The following P2RY12 variants were observed in gnomAD, a reference collection of about 807,000 sequenced individuals.
P2RY12 encodes the protein purinergic receptor P2Y12, also known as P2Y purinoceptor 12.
Under a neutral mutation model 4.5 loss-of-function variants are expected in P2RY12, and 3 were observed. The observed-to-expected ratio is 0.67, with a 90% CI of 0.31 to 1.74. The LOEUF (loss-of-function observed/expected upper bound fraction) is 1.74, where lower values mean the gene tolerates loss of function less well. P2RY12 is among the 40% of genes most tolerant of loss of function. P2RY12 has a pLI of 0.09. For synonymous variants in P2RY12, 148 were observed against 154.1 expected, an observed-to-expected ratio of 0.96 and a Z score of 0.29; for missense variants, 356 against 407.8, an observed-to-expected ratio of 0.87 and a Z score of 1.09.
Position 151,337,289 on chromosome 3 carries a change from A to G in P2RY12, c.*528T>C, listed in dbSNP as rs1751133228. ...AGTTTAAATCCCTTAGGTTTTTGCT[A>G]ATAATGAAAAGTTAATAGTTATTAT... On this transcript the variant is annotated 3_prime_UTR_variant, in exon 3 of 3. Coordinates refer to ENST00000302632, the MANE Select transcript of P2RY12 (RefSeq NM_022788.5). The G allele has an allele frequency of 6.5e-6, 1 of 152,814 alleles. No individual in the cohort carries two copies. The highest frequency in any genetic ancestry group is 6.5e-5 in the Admixed American group (1 of 15,320). The allele number at this position is 152,814 out of a possible 1,614,324, so 9.5% of individuals were successfully genotyped here.
chr3:151,355,905 A>G (rs749502287), intron 1 of P2RY12: 1 of 1,609,672 alleles, frequency 6.2e-7, no homozygotes, highest in South Asian at 1.1e-5. Context: ...GATTTCTAAC[A>G]ATGTGCTAGA....
At chr3:151,343,541 A>AG (rs550904843) in intron 1 of P2RY12, among the ~76,000 whole-genome samples, 67 of 152,348 alleles carry the variant, frequency 4.4e-4, no homozygotes, top group African/African-American at 1.6e-3. Context: ...TTAAGTGAAA[A>AG]GTATCTCAGT....
At chr3:151,374,541 C>CT (rs1247642320) in intron 1 of P2RY12, among the ~76,000 whole-genome samples, 6 of 147,120 alleles carry the variant, frequency 4.1e-5, no homozygotes, top group African/African-American at 1.5e-4. Flanking sequence ...GAGCAAGACT[C>CT]TGTCTCAAAG....
intron 1 of P2RY12, among the ~76,000 whole-genome samples, chr3:151,363,641 G>T (rs1178537641): frequency 1.1e-4 from 16 of 152,182 alleles, no homozygotes; most frequent in African/African-American, 3.6e-4. Context: ...TGTCTACACA[G>T]AAAGAGAGTG....
At chr3:151,359,827 G>A (rs1754388110) in intron 1 of P2RY12, among the ~76,000 whole-genome samples, 1 of 152,106 alleles carries the variant, frequency 6.6e-6, no homozygotes, top group Non-Finnish European at 1.5e-5. Context: ...AGTGTTTACA[G>A]CTGTGGTGTA....
At chr3:151,367,846 AAGGAGT>A in intron 1 of P2RY12, 1 of 1,485,910 alleles carries the variant, frequency 6.7e-7, no homozygotes, top group South Asian at 1.3e-5. Flanking sequence ...AACACAGGGA[AAGGAGT>A]ATTTGAGGGT....
intron 1 of P2RY12, among the ~76,000 whole-genome samples, chr3:151,370,682 T>A (rs1323198589): frequency 6.6e-6 from 1 of 152,206 alleles, no homozygotes; most frequent in African/African-American, 2.4e-5. Context: ...CGGTTCTACT[T>A]AATAAATAAA....
intron 1 of P2RY12, chr3:151,372,622 C>T (rs1756331462): frequency 6.2e-7 from 1 of 1,613,750 alleles, no homozygotes; most frequent in African/African-American, 1.3e-5. Context: ...ATGACTTCAC[C>T]ATGAGAGGTT....
chr3:151,375,104 G>A (rs567755677), intron 1 of P2RY12, among the ~76,000 whole-genome samples: 2 of 152,348 alleles, frequency 1.3e-5, no homozygotes, highest in Admixed American at 6.5e-5. Flanking sequence ...AACTGTGAGT[G>A]CATATTGGAA....
chr3:151,358,487 C>T (rs1356513046), intron 1 of P2RY12, among the ~76,000 whole-genome samples: 1 of 152,046 alleles, frequency 6.6e-6, no homozygotes, highest in Non-Finnish European at 1.5e-5. Flanking sequence ...GCTGTTTAAT[C>T]TATGTTCTAC....
intron 1 of P2RY12, chr3:151,360,570 T>C (rs761352430): frequency 3.1e-6 from 5 of 1,612,860 alleles, no homozygotes; most frequent in Admixed American, 3.3e-5. Context: ...ATGTGTCATG[T>C]AGCCACCTCA....
chr3:151,353,343 CAT>C (rs1261141970), intron 1 of P2RY12, among the ~76,000 whole-genome samples: 2 of 152,188 alleles, frequency 1.3e-5, no homozygotes, highest in African/African-American at 4.8e-5. Flanking sequence ...ATGCTCATGA[CAT>C]GTGAGCAGCT....
intron 1 of P2RY12, among the ~76,000 whole-genome samples, chr3:151,348,360 A>G (rs71637018): frequency 1.4e-3 from 36 of 24,860 alleles, no homozygotes; most frequent in South Asian, 0.011. Flanking sequence ...AAAAAAAAAA[A>G]AAAGAAAAAA....
intron 1 of P2RY12, among the ~76,000 whole-genome samples, chr3:151,344,529 G>A (rs1026214604): frequency 8.5e-5 from 13 of 152,228 alleles, no homozygotes; most frequent in African/African-American, 3.1e-4. Context: ...TTAACTAAAT[G>A]CATTTATTGT....
intron 1 of P2RY12, among the ~76,000 whole-genome samples, chr3:151,366,892 G>GC (rs1755350697): frequency 6.6e-6 from 1 of 151,888 alleles, no homozygotes; most frequent in Non-Finnish European, 1.5e-5. Flanking sequence ...TTTACCTTCT[G>GC]CAATTCCTCA....
chr3:151,365,381 T>A (rs1755151810), intron 1 of P2RY12, among the ~76,000 whole-genome samples: 1 of 152,188 alleles, frequency 6.6e-6, no homozygotes, highest in African/African-American at 2.4e-5. Flanking sequence ...TTCCTTAACC[T>A]GAGAGACAGT....
chr3:151,364,938 G>C, intron 1 of P2RY12: 2 of 1,392,958 alleles, frequency 1.4e-6, no homozygotes, highest in Non-Finnish European at 2.0e-6. Context: ...AGTTATTCTA[G>C]TTTTATTTTT....
At chr3:151,357,909 C>G (rs1754123852) in intron 1 of P2RY12, among the ~76,000 whole-genome samples, 1 of 152,160 alleles carries the variant, frequency 6.6e-6, no homozygotes, top group Non-Finnish European at 1.5e-5. Flanking sequence ...ACAGAATTAG[C>G]TAATACCACC....
intron 1 of P2RY12, among the ~76,000 whole-genome samples, chr3:151,364,517 G>C (rs1420183690): frequency 2.0e-5 from 3 of 151,986 alleles, no homozygotes; most frequent in Non-Finnish European, 4.4e-5. Context: ...GAATAGTCTT[G>C]GCACACGAAC....
Sources: gnomAD v4.1 joint callset for allele counts (sites outside exome capture counted in the v4.1 genomes callset) on GRCh38, gnomAD v4.1.1 for gene constraint, MANE v1.5 for transcripts, NCBI Gene and HGNC (gene_info 2026-07-23, HGNC 2026-07-21) for gene names.